The following ENOX1 variants were observed in gnomAD, a reference collection of about 807,000 sequenced individuals.
The protein encoded by ENOX1 is candidate growth-related and time keeping constitutive hydroquinone (NADH) oxidase.
ENOX1 carries 42 observed loss-of-function variants against 82.5 expected under a neutral mutation model. The observed-to-expected ratio is 0.51, with a 90% CI of 0.40 to 0.66. The LOEUF (loss-of-function observed/expected upper bound fraction) is 0.66, where lower values mean the gene tolerates loss of function less well. ENOX1 is among the 30% of genes least tolerant of loss of function. The pLI is 0.00. For missense variants in ENOX1, 608 were observed against 811.6 expected, an observed-to-expected ratio of 0.75 and a Z score of 3.05; for synonymous variants, 271 against 282.2, an observed-to-expected ratio of 0.96 and a Z score of 0.40.
At chr13:43,497,860 G>A (rs1401223530) in intron 2 of ENOX1, among the ~76,000 whole-genome samples, 1 of 152,022 alleles carries the variant, frequency 6.6e-6, no homozygotes, top group Non-Finnish European at 1.5e-5. Flanking sequence ...GATCTGGAGT[G>A]TTCTTTGTGG....
chr13:43,392,303 A>T (rs2052833117), intron 5 of ENOX1, among the ~76,000 whole-genome samples: 1 of 152,238 alleles, frequency 6.6e-6, no homozygotes, highest in African/African-American at 2.4e-5. Flanking sequence ...CCATGACAGC[A>T]GGAATAACTT....
At chr13:43,582,293 T>C (rs761051937) in intron 2 of ENOX1, among the ~76,000 whole-genome samples, 1 of 152,064 alleles carries the variant, frequency 6.6e-6, no homozygotes, top group African/African-American at 2.4e-5. Flanking sequence ...GGAAAATTCA[T>C]AGATTTAAAC....
At position 43,541,173 on chromosome 13, in the gene ENOX1, G is replaced by GTTTTTTTTTTTTTTTTTTTTTTTTT. The variant is rs553504525; in HGVS notation, c.-218-57046_-218-57022dup. 3.1e-4 allele frequency among the ~76,000 whole-genome samples: 20 copies of GTTTTTTTTTTTTTTTTTTTTTTTTT among 64,580 alleles called. 3 individuals carry two copies. Among genetic ancestry groups the GTTTTTTTTTTTTTTTTTTTTTTTTT allele is most frequent in the Non-Finnish European group, 3.2e-4 (10 of 31,176 alleles). The allele number at this position is 64,580 out of a possible 152,430, so 42.4% of individuals were successfully genotyped here. A position where few individuals can be genotyped will look rare whatever the true frequency, so the allele number is the denominator to read the frequency against. On this transcript the variant is annotated intron_variant, in intron 2 of 16. Coordinates refer to ENST00000690772, the MANE Select transcript of ENOX1 (RefSeq NM_001347969.2). The stretch of plus-strand genomic sequence containing the variant: ...CTCCAACCTTACACTTCTTCCCTCT[G>GTTTTTTTTTTTTTTTTTTTTTTTTT]TTTTTTTTTTTTTTTTTTTTTTTTT...
chr13:43,532,794 T>C (rs2078286923), intron 2 of ENOX1, among the ~76,000 whole-genome samples: 2 of 151,964 alleles, frequency 1.3e-5, no homozygotes, highest in Non-Finnish European at 2.9e-5. Flanking sequence ...ACCTTCTTGT[T>C]ATATGTTTTG....
chr13:43,324,482 G>T (rs2047995504), intron 10 of ENOX1, among the ~76,000 whole-genome samples: 1 of 152,078 alleles, frequency 6.6e-6, no homozygotes, highest in South Asian at 2.1e-4. Context: ...TGGGAATGTG[G>T]GAAAAAATCA....
chr13:43,521,640 T>G (rs1364286529), intron 2 of ENOX1, among the ~76,000 whole-genome samples: 3 of 152,174 alleles, frequency 2.0e-5, no homozygotes, highest in Non-Finnish European at 4.4e-5. Context: ...AAATATACTT[T>G]GCCCTGGAAG....
chr13:43,374,232 CTTTT>C (rs1467742872), intron 5 of ENOX1, among the ~76,000 whole-genome samples: 2 of 146,916 alleles, frequency 1.4e-5, no homozygotes, highest in Non-Finnish European at 3.0e-5. Context: ...CTTAATCTTT[CTTTT>C]ATCTTTTCTT....
intron 11 of ENOX1, among the ~76,000 whole-genome samples, chr13:43,311,025 T>C (rs2047170519): frequency 6.6e-6 from 1 of 151,894 alleles, no homozygotes; most frequent in South Asian, 2.1e-4. Flanking sequence ...GTCTGATATA[T>C]AATGATGGAA....
At chr13:43,717,195 C>T (rs1376836812) in intron 1 of ENOX1, among the ~76,000 whole-genome samples, 1 of 152,100 alleles carries the variant, frequency 6.6e-6, no homozygotes, top group Non-Finnish European at 1.5e-5. Context: ...AAAAAAGATA[C>T]ACAGACCAAC....
chr13:43,322,379 A>G lies in ENOX1; in HGVS notation c.1261+5T>C. 1.9e-6 allele frequency: 3 copies of G among 1,610,598 alleles called. No individual in the cohort carries two copies. The highest frequency in any genetic ancestry group is 2.2e-5 in the South Asian group (2 of 90,928). ...TCATGGGTCTGTGGCAGTTATCGGC[A>G]TTACCTGATTCATCGACTCTCATTT... On this transcript the variant is annotated splice_donor_5th_base_variant and intron_variant, in intron 11 of 16. Transcript: ENST00000690772.
At chr13:43,512,148 C>G (rs1361186026) in intron 2 of ENOX1, among the ~76,000 whole-genome samples, 2 of 152,070 alleles carry the variant, frequency 1.3e-5, no homozygotes, top group Admixed American at 1.3e-4. Context: ...GGCAGATCTA[C>G]AAAGGCTGTT....
chr13:43,734,541 T>C (rs750821262), intron 1 of ENOX1, among the ~76,000 whole-genome samples: 1 of 152,174 alleles, frequency 6.6e-6, no homozygotes, highest in Non-Finnish European at 1.5e-5. Context: ...CCTAAGGAAA[T>C]CCTCCTGGAG....
intron 14 of ENOX1, among the ~76,000 whole-genome samples, chr13:43,263,485 G>A (rs889441616): frequency 4.6e-5 from 7 of 152,192 alleles, no homozygotes; most frequent in South Asian, 2.1e-4. Flanking sequence ...CAAAGACCTC[G>A]AAGATTATCT....
At chr13:43,563,289 T>C (rs969401192) in intron 2 of ENOX1, among the ~76,000 whole-genome samples, 2 of 152,120 alleles carry the variant, frequency 1.3e-5, no homozygotes, top group African/African-American at 2.4e-5. Flanking sequence ...TCTGAATAAC[T>C]AGTGGGTCAA....
chr13:43,719,151 G>A (rs2153817225), intron 1 of ENOX1, among the ~76,000 whole-genome samples: 1 of 152,174 alleles, frequency 6.6e-6, no homozygotes, highest in Non-Finnish European at 1.5e-5. Context: ...CTGAAGGTCT[G>A]GAGCTAGTTA....
At chr13:43,275,296 C>G (rs1235845440) in intron 12 of ENOX1, among the ~76,000 whole-genome samples, 1 of 152,008 alleles carries the variant, frequency 6.6e-6, no homozygotes, top group East Asian at 1.9e-4. Context: ...ATTTTGTTAC[C>G]AAGGTGAAGT....
chr13:43,691,451 C>A (rs1403944210), intron 1 of ENOX1, among the ~76,000 whole-genome samples: 2 of 151,880 alleles, frequency 1.3e-5, no homozygotes, highest in Admixed American at 1.3e-4. Flanking sequence ...TTTGTATAAA[C>A]CCTCACAACA....
intron 5 of ENOX1, 47 bp from the exon 6 acceptor site, chr13:43,361,499 TTTG>T (rs1449748385): frequency 3.2e-6 from 5 of 1,553,182 alleles, no homozygotes; most frequent in Non-Finnish European, 4.3e-6. Flanking sequence ...TAAATCCATT[TTTG>T]TTGTTGTTTT....
chr13:43,565,691 T>G (rs550020922), intron 2 of ENOX1, among the ~76,000 whole-genome samples: 2 of 152,312 alleles, frequency 1.3e-5, no homozygotes, highest in East Asian at 3.9e-4. Flanking sequence ...GTTTCCTTAG[T>G]TTGTCTGTGA....
Sources: gnomAD v4.1 joint callset for allele counts (sites outside exome capture counted in the v4.1 genomes callset) on GRCh38, gnomAD v4.1.1 for gene constraint, MANE v1.5 for transcripts, NCBI Gene and HGNC (gene_info 2026-07-23, HGNC 2026-07-21) for gene names.